Variants in AGBL4 observed in about 807,000 individuals in gnomAD.
AGBL4 encodes the protein cytosolic carboxypeptidase 6.
AGBL4 carries 58 observed loss-of-function variants against 66.4 expected under a neutral mutation model. The observed-to-expected ratio is 0.87, with a 90% CI of 0.71 to 1.09. The LOEUF is 1.09. AGBL4 is among the 50% of genes least tolerant of loss of function. AGBL4 has a pLI of 0.00. For synonymous variants in AGBL4, 234 were observed against 222.9 expected, an observed-to-expected ratio of 1.05 and a Z score of -0.44; for missense variants, 579 against 631.0, an observed-to-expected ratio of 0.92 and a Z score of 0.88.
rs1646715384 is a variant in AGBL4 at position 49,170,383 on chromosome 1, G to A, written c.377+75387C>T. The stretch of plus-strand genomic sequence containing the variant: ...GTCTCACTCTTGGTTCCATGAGTAA[G>A]TTATTGTATATTTATATAATATATA... On this transcript the variant is annotated intron_variant, in intron 4 of 13. Transcript: ENST00000371839. Among the ~76,000 whole-genome samples, 5 of 140,658 alleles carry A rather than the reference G, an allele frequency of 3.6e-5. No homozygotes were observed. In the South Asian group the frequency reaches 8.7e-4, roughly 25 times the overall value. The allele number at this position is 140,658 out of a possible 152,430, so 92.3% of individuals were successfully genotyped here.
rs77330770 is a variant in AGBL4, at chr1:49,141,934, G to A, written c.378-96134C>T. On this transcript the variant is annotated intron_variant, in intron 4 of 13. Coordinates refer to ENST00000371839, the MANE Select transcript of AGBL4 (RefSeq NM_032785.4). Reference sequence around the variant, plus strand: ...TTAAAAAAGGGTTCCCCAACCTCTGGGTCATGGACCAGTACCTGTTTGTGC... The same window carrying A: ...TTAAAAAAGGGTTCCCCAACCTCTGAGTCATGGACCAGTACCTGTTTGTGC... Among the ~76,000 whole-genome samples, 36 of 152,176 alleles carry A rather than the reference G, an allele frequency of 2.4e-4. No individual in the cohort carries two copies. In the East Asian group the frequency reaches 4.4e-3, roughly 19 times the overall value.
At chr1:49,454,910 C>T (rs1646356342) in intron 3 of AGBL4, among the ~76,000 whole-genome samples, 1 of 151,664 alleles carries the variant, frequency 6.6e-6, no homozygotes, top group Non-Finnish European at 1.5e-5. Context: ...GCTATGCAAA[C>T]ATTTATAATC....
At chr1:49,324,707 T>TGA (rs1645195302) in intron 3 of AGBL4, among the ~76,000 whole-genome samples, 1 of 152,244 alleles carries the variant, frequency 6.6e-6, no homozygotes, top group Non-Finnish European at 1.5e-5. Context: ...ACAATGTGTT[T>TGA]GTTGCAGAAA....
chr1:49,429,208 G>C (rs2148654271), intron 3 of AGBL4, among the ~76,000 whole-genome samples: 1 of 152,238 alleles, frequency 6.6e-6, no homozygotes, highest in Non-Finnish European at 1.5e-5. Context: ...GGGTTATACA[G>C]TGTCCATAAC....
At chr1:49,093,739 G>C (rs1338809583) in intron 4 of AGBL4, among the ~76,000 whole-genome samples, 1 of 152,116 alleles carries the variant, frequency 6.6e-6, no homozygotes, top group Non-Finnish European at 1.5e-5. Flanking sequence ...TAACTAGAGA[G>C]CCAAAACCAA....
intron 9 of AGBL4, among the ~76,000 whole-genome samples, chr1:48,594,896 T>A (rs1380816483): frequency 6.6e-6 from 1 of 152,046 alleles, no homozygotes; most frequent in Non-Finnish European, 1.5e-5. Flanking sequence ...CCCTTCTGCA[T>A]GGGTAGCTAC....
intron 3 of AGBL4, among the ~76,000 whole-genome samples, chr1:49,355,494 T>G (rs980652523): frequency 1.3e-5 from 2 of 152,188 alleles, no homozygotes; most frequent in African/African-American, 4.8e-5. Flanking sequence ...CAAACCTAAC[T>G]GCTCTCCTTG....
intron 6 of AGBL4, among the ~76,000 whole-genome samples, chr1:48,698,376 A>G (rs1005182123): frequency 6.6e-6 from 1 of 152,208 alleles, no homozygotes; most frequent in Admixed American, 6.5e-5. Context: ...GAGAAGCCCA[A>G]TAGCTCAGAG....
chr1:49,841,941 G>T, intron 2 of AGBL4: 1 of 596,168 alleles, frequency 1.7e-6, no homozygotes. Flanking sequence ...CGGCCTCCTC[G>T]AGCGTGTCCT....
At chr1:48,861,990 T>C (rs1647515601) in intron 6 of AGBL4, among the ~76,000 whole-genome samples, 1 of 152,108 alleles carries the variant, frequency 6.6e-6, no homozygotes, top group Non-Finnish European at 1.5e-5. Context: ...ATATAATATT[T>C]TACCACCCCT....
chr1:49,331,280 G>A (rs1645328612), intron 3 of AGBL4, among the ~76,000 whole-genome samples: 1 of 152,048 alleles, frequency 6.6e-6, no homozygotes, highest in Non-Finnish European at 1.5e-5. Context: ...GGGTCGGGTC[G>A]AGCAGCACCC....
intron 4 of AGBL4, among the ~76,000 whole-genome samples, chr1:49,155,798 G>T (rs768896023): frequency 3.9e-5 from 6 of 152,148 alleles, no homozygotes; most frequent in Non-Finnish European, 7.4e-5. Flanking sequence ...ATGTGGTCTT[G>T]GATCTTTATA....
At chr1:48,983,646 A>T (rs1276394299) in intron 5 of AGBL4, among the ~76,000 whole-genome samples, 1 of 152,190 alleles carries the variant, frequency 6.6e-6, no homozygotes, top group East Asian at 1.9e-4. Flanking sequence ...TCAGAGAGCA[A>T]ATGTTAATCG....
intron 6 of AGBL4, among the ~76,000 whole-genome samples, chr1:48,802,869 G>A (rs1211919521): frequency 6.6e-6 from 1 of 152,146 alleles, no homozygotes; most frequent in African/African-American, 2.4e-5. Flanking sequence ...TTCAGGGTTA[G>A]GCTGTGTCTA....
chr1:49,258,620 GAAAC>G (rs1488322735), intron 3 of AGBL4, among the ~76,000 whole-genome samples: 10 of 152,150 alleles, frequency 6.6e-5, no homozygotes, highest in African/African-American at 1.4e-4. Flanking sequence ...AGAATAAAAA[GAAAC>G]AAACAAAGCC....
chr1:49,077,095 CGTGT>C (rs3043747), intron 4 of AGBL4, among the ~76,000 whole-genome samples: 1 of 150,440 alleles, frequency 6.6e-6, no homozygotes, highest in South Asian at 2.1e-4. Flanking sequence ...CTTCTGTGTG[CGTGT>C]GTGTGTGTGT....
chr1:49,983,482 T>C (rs1420422944), intron 1 of AGBL4, among the ~76,000 whole-genome samples: 1 of 152,226 alleles, frequency 6.6e-6, no homozygotes, highest in Non-Finnish European at 1.5e-5. Context: ...CTACTCACCT[T>C]TGGCAGGCAT....
At chr1:49,568,469 G>C (rs1644258719) in intron 3 of AGBL4, among the ~76,000 whole-genome samples, 1 of 125,942 alleles carries the variant, frequency 7.9e-6, no homozygotes, top group Non-Finnish European at 1.7e-5. Context: ...ACAAAACACT[G>C]CTCAAAGAAA....
intron 1 of AGBL4, among the ~76,000 whole-genome samples, chr1:49,947,971 T>TTTATATATATAAATATATATAA (rs1655415423): frequency 6.8e-5 from 5 of 74,032 alleles, no homozygotes; most frequent in Admixed American, 6.1e-4. Flanking sequence ...TAAATATATA[T>TTTATATATATAAATATATATAA]ATTTATAAAT....
Sources: gnomAD v4.1 joint callset for allele counts (sites outside exome capture counted in the v4.1 genomes callset) on GRCh38, gnomAD v4.1.1 for gene constraint, MANE v1.5 for transcripts, NCBI Gene and HGNC (gene_info 2026-07-23, HGNC 2026-07-21) for gene names.